Variants in METTL21A observed in about 807,000 individuals in gnomAD.
METTL21A encodes the protein protein N-lysine methyltransferase METTL21A.
A neutral mutation model predicts 20.9 loss-of-function variants in METTL21A; 22 were observed. The ratio of observed to expected loss-of-function variants is 1.05; its 90% CI spans 0.75 to 1.50. The LOEUF (loss-of-function observed/expected upper bound fraction) is 1.50. Among genes scored for constraint, METTL21A ranks in the 40% most tolerant of loss-of-function variants. The pLI, the probability that METTL21A is intolerant of heterozygous loss-of-function variation, is 0.00. For missense variants in METTL21A, 271 were observed against 266.8 expected (o/e 1.02, Z -0.11); for synonymous variants, 93 against 102.0 (o/e 0.91, Z 0.53).
At chr2:207,621,972 G>T in intron 2 of METTL21A, 55 bp from the exon 3 acceptor site, 1 of 1,513,844 alleles carries the variant, frequency 6.6e-7, no homozygotes, top group Non-Finnish European at 9.2e-7. Flanking sequence ...TTGAGTAGCT[G>T]CAGGGTTTCA....
downstream of METTL21A, among the ~76,000 whole-genome samples, chr2:207,608,067 A>G (rs1200598116): frequency 6.6e-6 from 1 of 151,858 alleles, no homozygotes; most frequent in East Asian, 1.9e-4. Context: ...CCTCTCCAAT[A>G]TTGTCTTCAG....
At chr2:207,587,392 C>CA (rs765065014) in intron 3 of METTL21A, among the ~76,000 whole-genome samples, 835 of 82,572 alleles carry the variant, frequency 0.01, 6 homozygotes, top group African/African-American at 0.016. Context: ...GACTCCATCT[C>CA]AAAAAAAAAA....
chr2:207,581,552 T>C (rs1050584005), downstream of METTL21A: 8 of 238,980 alleles, frequency 3.3e-5, no homozygotes, highest in East Asian at 4.7e-4. Context: ...AATGTTAACA[T>C]TCTAAAGTCA....
At chr2:207,598,253 T>C (rs951835825) in intron 3 of METTL21A, 1 of 183,868 alleles carries the variant, frequency 5.4e-6, no homozygotes, top group African/African-American at 2.3e-5. Flanking sequence ...ATGACTGCTG[T>C]ACTGCAATAT....
At chr2:207,586,747 G>A (rs1395636140) in intron 3 of METTL21A, among the ~76,000 whole-genome samples, 1 of 152,132 alleles carries the variant, frequency 6.6e-6, no homozygotes, top group Non-Finnish European at 1.5e-5. Flanking sequence ...CAAAAGGTCT[G>A]AATAGACATT....
intron 1 of METTL21A, 199 bp from the exon 2 acceptor site, chr2:207,624,603 G>A: frequency 2.2e-6 from 1 of 458,088 alleles, no homozygotes; most frequent in South Asian, 3.1e-5. Flanking sequence ...GTCAACGGAT[G>A]TGTTTGGGGA....
In METTL21A at chr2:207,597,144, T is replaced by C. The variant is rs978485495; in HGVS notation, c.260-14984A>G. Reference sequence around the variant, plus strand: ...AAGACAAAATAAACATTTTATTTTCTAAACATTTCTTTTTTTCTATGCGCA... The same window carrying C: ...AAGACAAAATAAACATTTTATTTTCCAAACATTTCTTTTTTTCTATGCGCA... On this transcript the variant is annotated intron_variant, in intron 3 of 3. Transcript: ENST00000425132. 9.9e-6 allele frequency: 14 copies of C among 1,416,548 alleles called. No homozygotes were observed. In the Admixed American group the frequency reaches 3.8e-4, roughly 39 times the overall value. The allele number at this position is 1,416,548 out of a possible 1,614,324, so 87.7% of individuals were successfully genotyped here. A position where few individuals can be genotyped will look rare whatever the true frequency, so the allele number is the denominator to read the frequency against.
Position 207,598,127 on chromosome 2 carries a change from A to G in METTL21A, c.260-15967T>C, listed in dbSNP as rs556193599. The G allele has an allele frequency of 3.0e-4, 55 of 180,830 alleles. 1 individual carries two copies. The highest frequency in any genetic ancestry group is 2.2e-3 in the Middle Eastern group (1 of 462). The allele number at this position is 180,830 out of a possible 1,614,324, so 11.2% of individuals were successfully genotyped here. A position where few individuals can be genotyped will look rare whatever the true frequency, so the allele number is the denominator to read the frequency against. ...AAAATACTGATTTTAAATATTTTCC[A>G]TATTAACAATTTAACAGAGAATCTC... On this transcript the variant is annotated intron_variant, in intron 3 of 3. Transcript: ENST00000425132.
At chr2:207,581,740 G>A (rs767752208) in exon 4 of METTL21A, 3 of 651,540 alleles carry the variant, frequency 4.6e-6, no homozygotes, top group Non-Finnish European at 8.2e-6. Context: ...AAGTACATTG[G>A]TATAATACCA....
chr2:207,613,226 C>T (rs1326493083), exon 4 of METTL21A: 1 of 1,613,684 alleles, frequency 6.2e-7, no homozygotes, highest in South Asian at 1.1e-5. Context: ...AGAGATGTTC[C>T]AGTGTCTGAA....
chr2:207,582,932 C>A, intron 3 of METTL21A: 1 of 217,878 alleles, frequency 4.6e-6, no homozygotes, highest in Non-Finnish European at 9.5e-6. Context: ...TATATATATA[C>A]ATACACACAC....
At chr2:207,593,548 C>A (rs2085490288) in intron 3 of METTL21A, among the ~76,000 whole-genome samples, 1 of 151,934 alleles carries the variant, frequency 6.6e-6, no homozygotes, top group African/African-American at 2.4e-5. Context: ...AAAATAGAAG[C>A]AAATGCTACT....
At chr2:207,587,443 A>G (rs1157796829) in intron 3 of METTL21A, among the ~76,000 whole-genome samples, 2 of 151,878 alleles carry the variant, frequency 1.3e-5, no homozygotes, top group Non-Finnish European at 2.9e-5. Context: ...TAAAAGAACC[A>G]CTATATGATC....
intron 3 of METTL21A, among the ~76,000 whole-genome samples, chr2:207,614,388 A>G (rs1366854810): frequency 6.6e-6 from 1 of 152,168 alleles, no homozygotes; most frequent in East Asian, 1.9e-4. Flanking sequence ...CTCAAAAAAA[A>G]AAAAAATATC....
intron 3 of METTL21A, among the ~76,000 whole-genome samples, chr2:207,583,352 T>C (rs902830524): frequency 2.6e-5 from 4 of 152,206 alleles, no homozygotes; most frequent in African/African-American, 9.6e-5. Flanking sequence ...TTTAGACTTC[T>C]CTTTGCCTGT....
intron 3 of METTL21A, chr2:207,603,520 G>A (rs2087494314): frequency 4.5e-6 from 1 of 224,134 alleles, no homozygotes; most frequent in African/African-American, 2.2e-5. Flanking sequence ...TGGACTTAAA[G>A]TTACAATATA....
At chr2:207,581,794 A>G (rs2082990306) in exon 4 of METTL21A, 1 of 693,418 alleles carries the variant, frequency 1.4e-6, no homozygotes, top group African/African-American at 1.8e-5. Flanking sequence ...TTTTACTTAC[A>G]TAATCCAGTT....
Position 207,617,319 on chromosome 2 carries a change from A to G in METTL21A, c.260-3876T>C, listed in dbSNP as rs149200486. Among the ~76,000 whole-genome samples, 306 of 152,346 alleles carry G rather than the reference A, an allele frequency of 2.0e-3. 3 individuals are homozygous for G. The highest frequency in any genetic ancestry group is 6.8e-3 in the African/African-American group (282 of 41,586). On this transcript the variant is annotated intron_variant, in intron 3 of 3. Coordinates refer to ENST00000406927, the Ensembl canonical transcript of METTL21A. ...CAGTGTGGGAAGAAAAATAATAGAA[A>G]CATGAGTGTGCGCAGGAAATCATGA...
At chr2:207,624,199 G>C (rs776378533) in intron 2 of METTL21A, 30 bp downstream of exon 2, 1 of 1,552,134 alleles carries the variant, frequency 6.4e-7, no homozygotes, top group Non-Finnish European at 8.7e-7. Flanking sequence ...AAGTGTGAAC[G>C]TTTTCAGAGG....
Sources: allele counts gnomAD v4.1 joint callset (sites outside exome capture counted in the v4.1 genomes callset), GRCh38; gene constraint gnomAD v4.1.1; transcripts MANE v1.5; gene names NCBI Gene and HGNC (gene_info 2026-07-23, HGNC 2026-07-21).